DMC1: variants seen among roughly 807,000 people sequenced by gnomAD.
The protein encoded by DMC1 is meiotic recombination protein DMC1 homolog.
A neutral mutation model predicts 50.1 loss-of-function variants in DMC1; 27 were observed. The ratio of observed to expected loss-of-function variants is 0.54; its 90% CI spans 0.40 to 0.74. The LOEUF is 0.74. Among genes scored for constraint, DMC1 ranks in the 30% least tolerant of loss-of-function variants. The pLI, the probability that DMC1 is intolerant of heterozygous loss-of-function variation, is 0.00. For missense variants in DMC1, 295 were observed against 420.2 expected, an observed-to-expected ratio of 0.70 and a Z score of 2.60; for synonymous variants, 148 against 136.1, an observed-to-expected ratio of 1.09 and a Z score of -0.61.
intron 6 of DMC1, among the ~76,000 whole-genome samples, chr22:38,554,032 T>C (rs1174219193): frequency 2.0e-5 from 3 of 149,176 alleles, no homozygotes; most frequent in African/African-American, 7.4e-5. Flanking sequence ...CACAGGAAGC[T>C]GAGGCAGAAT....
rs932876942 is a variant in DMC1, at chr22:38,567,465, C to T, written c.96+118G>A. 5 of 857,898 alleles carry T rather than the reference C, an allele frequency of 5.8e-6. No homozygotes were observed. In the African/African-American group the frequency reaches 8.3e-5, roughly 14 times the overall value. 53.1% of individuals were successfully genotyped at this position (857,898 alleles called of 1,614,324 possible). A position where few individuals can be genotyped will look rare whatever the true frequency, so the allele number is the denominator to read the frequency against. On this transcript the variant is annotated intron_variant, in intron 3 of 13. Transcript: ENST00000216024. ...AGAGGCCAAGGATGTTGCAAACACC[C>T]TACAATGCACAGGACGTCCCCTTGC...
At chr22:38,557,959 T>TTTTTTTTTTTTTTTTTTTTTTG (rs2090485646) in intron 5 of DMC1, among the ~76,000 whole-genome samples, 1 of 122,054 alleles carries the variant, frequency 8.2e-6, no homozygotes, top group Non-Finnish European at 1.7e-5. Context: ...CAAAGTTCTT[T>TTTTTTTTTTTTTTTTTTTTTTG]TTTTTTTTTT....
At chr22:38,550,047 C>T in intron 7 of DMC1, 50 bp from the exon 8 acceptor site, 1 of 1,324,634 alleles carries the variant, frequency 7.5e-7, no homozygotes, top group Non-Finnish European at 1.1e-6. Flanking sequence ...AAACTTTGTA[C>T]ACATGACTAT....
chr22:38,562,246 A>C, intron 5 of DMC1, 41 bp downstream of exon 5: 1 of 1,287,618 alleles, frequency 7.8e-7, no homozygotes, highest in Non-Finnish European at 1.1e-6. Flanking sequence ...ATGGTATTCC[A>C]AAGATTATGC....
intron 12 of DMC1, among the ~76,000 whole-genome samples, chr22:38,527,467 AGT>A (rs2090104814): frequency 1.3e-5 from 2 of 150,258 alleles, no homozygotes; most frequent in South Asian, 4.2e-4. Context: ...GGCCTCCCAA[AGT>A]GTTGGGATTA....
intron 8 of DMC1, among the ~76,000 whole-genome samples, chr22:38,546,906 A>G (rs1036296745): frequency 1.3e-5 from 2 of 152,210 alleles, no homozygotes; most frequent in African/African-American, 4.8e-5. Context: ...ACTAAGGTTC[A>G]AAGTTTACCA....
At chr22:38,528,522 C>T (rs2090120813) in intron 12 of DMC1, among the ~76,000 whole-genome samples, 1 of 152,002 alleles carries the variant, frequency 6.6e-6, no homozygotes, top group African/African-American at 2.4e-5. Flanking sequence ...CTTGTAATCC[C>T]AGCACATTGG....
chr22:38,552,584 T>G (rs2090424316), intron 7 of DMC1, 82 bp downstream of exon 7: 1 of 1,013,918 alleles, frequency 9.9e-7, no homozygotes, highest in African/African-American at 1.6e-5. Context: ...GATATGAGAT[T>G]ATTTAGAGTA....
intron 4 of DMC1, among the ~76,000 whole-genome samples, chr22:38,564,144 G>C (rs936313254): frequency 3.9e-5 from 6 of 152,228 alleles, no homozygotes; most frequent in African/African-American, 1.2e-4. Context: ...ACTCCAGCCA[G>C]GGTGATAGAG....
chr22:38,522,572 A>T (rs551000744), intron 12 of DMC1, among the ~76,000 whole-genome samples: 1 of 152,230 alleles, frequency 6.6e-6, no homozygotes, highest in South Asian at 2.1e-4. Context: ...AAAAACAAAC[A>T]AACAAAAACA....
chr22:38,565,053 G>T (rs2267392), intron 4 of DMC1, among the ~76,000 whole-genome samples: 1 of 152,176 alleles, frequency 6.6e-6, no homozygotes, highest in Non-Finnish European at 1.5e-5. Flanking sequence ...TACCAATAGA[G>T]AAATGGAGAG....
intron 5 of DMC1, among the ~76,000 whole-genome samples, chr22:38,561,753 C>T (rs1263763033): frequency 6.6e-6 from 1 of 152,094 alleles, no homozygotes. Flanking sequence ...CTCTTGGGCA[C>T]TGCTGTAACA....
chr22:38,534,237 C>T (rs183583578), intron 12 of DMC1, among the ~76,000 whole-genome samples: 85 of 152,270 alleles, frequency 5.6e-4, no homozygotes, highest in African/African-American at 1.8e-3. Context: ...TATTAGATAA[C>T]ATTATTATGC....
intron 1 of DMC1, chr22:38,569,362 C>T (rs1189549858): frequency 6.6e-6 from 1 of 152,070 alleles, no homozygotes; most frequent in African/African-American, 2.4e-5. Context: ...TCCATTTCCT[C>T]ATTTGATACC....
Position 38,538,302 on chromosome 22 carries a change from G to T in DMC1, c.768C>A (p.Ile256=). 1.2e-6 allele frequency: 2 copies of T among 1,613,566 alleles called. No homozygotes were observed. The highest frequency in any genetic ancestry group is 1.7e-6 in the Non-Finnish European group (2 of 1,179,540). ...TTTATTTTAAAGATATACCTTCTGA[G>T]ATTTTTTGGAGTCGTGACAACATCT... The part of the protein sequence containing the change: ...LAQMLSRLQK[I]SEEYNVAVFV... The change falls in exon 11 of 14, where the codon ATC becomes ATA. Residue 256 remains isoleucine (I), a synonymous_variant. Coordinates refer to ENST00000216024, the MANE Select transcript of DMC1 (RefSeq NM_007068.4).
chr22:38,569,193 A>AT (rs1475996286), intron 1 of DMC1: 1 of 152,066 alleles, frequency 6.6e-6, no homozygotes, highest in African/African-American at 2.4e-5. Flanking sequence ...CAAAAAAAAA[A>AT]AAAAAAATTG....
At chr22:38,509,199 G>C in the DMC1 span, among the ~76,000 whole-genome samples, 1 of 152,024 alleles carries the variant, frequency 6.6e-6, no homozygotes, top group Non-Finnish European at 1.5e-5. Context: ...ACATGTTCAG[G>C]ATATACAAGT....
chr22:38,512,274 C>T, the DMC1 span, among the ~76,000 whole-genome samples: 1 of 152,148 alleles, frequency 6.6e-6, no homozygotes, highest in Non-Finnish European at 1.5e-5. Context: ...TGCACCCAGA[C>T]TGCCTTTTAT....
intron 7 of DMC1, 62 bp from the exon 8 acceptor site, chr22:38,550,059 T>C: frequency 8.4e-7 from 1 of 1,192,706 alleles, no homozygotes; most frequent in Non-Finnish European, 1.2e-6. Context: ...CATGACTATA[T>C]AAATACACAT....
Sources: gnomAD v4.1 joint callset for allele counts (sites outside exome capture counted in the v4.1 genomes callset) on GRCh38, gnomAD v4.1.1 for gene constraint, MANE v1.5 for transcripts, NCBI Gene and HGNC (gene_info 2026-07-23, HGNC 2026-07-21) for gene names.